MBD6: variants seen among roughly 807,000 people sequenced by gnomAD.
The protein encoded by MBD6 is methyl-CpG binding domain protein 6, also known as methyl-CpG-binding domain protein 6.
In MBD6, 22 loss-of-function variants were observed where a neutral mutation model predicts 66.8. That is an observed-to-expected ratio of 0.33 (90% CI 0.24 to 0.47). MBD6 has a LOEUF of 0.47. MBD6 is among the 20% of genes least tolerant of loss of function. The pLI is 1.00. For synonymous variants in MBD6, 540 were observed against 534.6 expected (o/e 1.01, Z -0.14); for missense variants, 1,322 against 1,286.9 (o/e 1.03, Z -0.42).
chr12:57,525,151 A>G (rs561694971), intron 5 of MBD6, 36 bp downstream of exon 5: 2 of 1,589,496 alleles, frequency 1.3e-6, no homozygotes, highest in Non-Finnish European at 1.7e-6. Context: ...GACCGAGGAA[A>G]ACCTAAGGGC....
At position 57,527,898 on chromosome 12, in the gene MBD6, C is replaced by G. The variant is rs1292661350; in HGVS notation, c.2287C>G (p.Gln763Glu). The G allele has an allele frequency of 1.2e-6, 2 of 1,613,768 alleles. No homozygotes were observed. The highest frequency in any genetic ancestry group is 2.7e-5 in the African/African-American group (2 of 74,892). ...SSPGALPSLL[Q>E]PPGPLLSGQL... Reference sequence around the variant, plus strand: ...CCCTGGAGCCCTCCCCAGCCTGTTGCAGCCTCCTGGCCCTCTTCTCTCTGG... The same window carrying G: ...CCCTGGAGCCCTCCCCAGCCTGTTGGAGCCTCCTGGCCCTCTTCTCTCTGG... The change falls in exon 9 of 13, where the codon CAG becomes GAG. Residue 763 changes from glutamine to glutamate, a missense_variant. Gln to Glu is a conservative substitution (Grantham distance 29, BLOSUM62 2). Coordinates refer to ENST00000355673, the MANE Select transcript of MBD6 (RefSeq NM_052897.4).
In MBD6 at chr12:57,527,741, G is replaced by T. The variant is rs1026901086; in HGVS notation, c.2236+81G>T. On this transcript the variant is annotated intron_variant, in intron 8 of 12. Coordinates refer to ENST00000355673, the MANE Select transcript of MBD6 (RefSeq NM_052897.4). Reference sequence around the variant, plus strand: ...CTTGGGAGTAGTGGCTGAATAAATTGGGGAAGAAAGTCTTTGGCCACTGGA... The same window carrying T: ...CTTGGGAGTAGTGGCTGAATAAATTTGGGAAGAAAGTCTTTGGCCACTGGA... 2.5e-5 allele frequency: 39 copies of T among 1,552,024 alleles called. No individual in the cohort carries two copies. The East Asian group carries it at 8.3e-4, about 33-fold the overall frequency.
At chr12:57,531,192 C>T (rs1371140400), downstream of MBD6, among the ~76,000 whole-genome samples, 2 of 152,266 alleles carry the variant, frequency 1.3e-5, no homozygotes, top group Admixed American at 1.3e-4. Context: ...GACTTTAATG[C>T]TCCTTCCAGC....
chr12:57,527,408 A>G (rs903324814), intron 7 of MBD6, 99 bp from the exon 8 acceptor site: 23 of 1,444,538 alleles, frequency 1.6e-5, no homozygotes, highest in African/African-American at 1.5e-4. Context: ...AGCATGGCCT[A>G]TCTCACTTGA....
chr12:57,529,311 C>G lies in MBD6; in HGVS notation c.*77C>G, dbSNP rs1879361775. 7 of 1,485,066 alleles carry G rather than the reference C, an allele frequency of 4.7e-6. No homozygotes were observed. The highest frequency in any genetic ancestry group is 2.3e-5 in the South Asian group (2 of 87,402). 92.0% of individuals were successfully genotyped at this position (1,485,066 alleles called of 1,614,324 possible). A position where few individuals can be genotyped will look rare whatever the true frequency, so the allele number is the denominator to read the frequency against. ...AGCCTTGGGAGCCCCTGCCAGCCAC[C>G]TGCACCTGTGGACAGTGGGTGGGGG... On this transcript the variant is annotated 3_prime_UTR_variant, in exon 13 of 13. Transcript: ENST00000355673.
Position 57,525,134 on chromosome 12 carries a change from T to C in MBD6, c.379+19T>C. 3 of 1,597,880 alleles carry C rather than the reference T, an allele frequency of 1.9e-6. No homozygotes were observed. Among genetic ancestry groups the C allele is most frequent in the Admixed American group, 1.8e-5 (1 of 54,560 alleles). On this transcript the variant is annotated intron_variant, in intron 5 of 12. Coordinates refer to ENST00000355673, the MANE Select transcript of MBD6 (RefSeq NM_052897.4). Reference sequence around the variant, plus strand: ...TCTCCTGGTGAGTCTTCTGCCACTTTACAGAAGACCGAGGAAAACCTAAGG... The same window carrying C: ...TCTCCTGGTGAGTCTTCTGCCACTTCACAGAAGACCGAGGAAAACCTAAGG...
intron 2 of MBD6, 63 bp downstream of exon 2, chr12:57,524,155 C>G (rs1878660692): frequency 2.0e-6 from 1 of 500,480 alleles, no homozygotes; most frequent in Non-Finnish European, 3.4e-6. Context: ...GTTCCCCTTG[C>G]TCCTCTGGGG....
intron 3 of MBD6, 42 bp from the exon 4 acceptor site, chr12:57,524,678 C>T: frequency 1.3e-6 from 2 of 1,580,302 alleles, no homozygotes; most frequent in Admixed American, 1.7e-5. Flanking sequence ...GCCTGATTCG[C>T]TGCCAGCTAA....
chr12:57,522,430 C>A (rs1352985480), upstream of MBD6, among the ~76,000 whole-genome samples: 6 of 152,304 alleles, frequency 3.9e-5, no homozygotes, highest in East Asian at 1.2e-3. Context: ...TCTTTCGGGG[C>A]CTGGCCCCTC....
In MBD6 at chr12:57,529,484, T is replaced by C; in HGVS notation, c.*250T>C. 2.3e-6 allele frequency: 1 copy of C among 427,734 alleles called. No homozygotes were observed. The highest frequency in any genetic ancestry group is 4.1e-6 in the Non-Finnish European group (1 of 245,346). The allele number at this position is 427,734 out of a possible 1,614,324, so 26.5% of individuals were successfully genotyped here. ...CTGAAAAGGCCTGGGGGGGATGGTA[T>C]ATGGCCCTTTCCCCACCAGGCGCTA... On this transcript the variant is annotated 3_prime_UTR_variant, in exon 13 of 13. Coordinates refer to ENST00000355673, the MANE Select transcript of MBD6 (RefSeq NM_052897.4).
chr12:57,524,208 C>T (rs1018256608), intron 2 of MBD6, 72 bp from the exon 3 acceptor site: 6 of 954,326 alleles, frequency 6.3e-6, no homozygotes, highest in Non-Finnish European at 9.1e-6. Context: ...CCTTTGCCTT[C>T]CTGGAGTCCT....
At chr12:57,521,113 T>C (rs1011851838), upstream of MBD6, 2 of 152,336 alleles carry the variant, frequency 1.3e-5, no homozygotes, top group East Asian at 1.9e-4. Flanking sequence ...TTTTGAACTT[T>C]TCTTTTTAAA....
In MBD6 at chr12:57,528,338, G is replaced by C. The variant is rs1879209449; in HGVS notation, c.2598G>C (p.Arg866Ser). 6.2e-7 allele frequency: 1 copy of C among 1,611,044 alleles called. No homozygotes were observed. The highest frequency in any genetic ancestry group is 1.7e-4 in the Middle Eastern group (1 of 5,882). ...KRGRRGGGGL[R>S]GINGEARPAR... ...GCCGGAGGGGAGGAGGGGGACTTAG[G>C]GGCATTAATGGTGAGGCCAGGCCAG... is the stretch of plus-strand genomic sequence containing the variant. The change falls in exon 10 of 13, where the codon AGG becomes AGC. Residue 866 changes from arginine to serine, a missense_variant. Transcript: ENST00000355673.
chr12:57,528,622 G>A (rs1253595483), intron 10 of MBD6, 44 bp from the exon 11 acceptor site: 3 of 1,613,758 alleles, frequency 1.9e-6, no homozygotes, highest in South Asian at 1.1e-5. Context: ...GGGCTTTGGA[G>A]CCTTTTTCGA....
Position 57,528,972 on chromosome 12 carries a change from G to A in MBD6, c.2900G>A (p.Arg967His), listed in dbSNP as rs112146992. Reference sequence around the variant, plus strand: ...CCTACCCGGAACAGCAATAGCTCCCGCCAGGACATTACCTTGGAACCCAGC... The same window carrying A: ...CCTACCCGGAACAGCAATAGCTCCCACCAGGACATTACCTTGGAACCCAGC... ...YNPTRNSNSS[R>H]QDITLEPSPT... Residue 967 changes from arginine to histidine, a missense_variant, in exon 12 of 13, where the codon CGC becomes CAC. Physicochemically the swap from Arg to His is conservative, Grantham distance 29. Transcript: ENST00000355673. 185 of 1,613,990 alleles carry A rather than the reference G, an allele frequency of 1.1e-4. No homozygotes were observed. The highest frequency in any genetic ancestry group is 1.1e-4 in the African/African-American group (8 of 74,914).
chr12:57,524,930 T>C, intron 4 of MBD6, 23 bp from the exon 5 acceptor site: 9 of 1,601,044 alleles, frequency 5.6e-6, no homozygotes, highest in Middle Eastern at 3.3e-4. Flanking sequence ...TCAGGGTCCC[T>C]GTCCTTGCTT....
chr12:57,524,620 G>A (rs776918594), intron 3 of MBD6, 100 bp from the exon 4 acceptor site: 1 of 1,196,148 alleles, frequency 8.4e-7, no homozygotes. Context: ...CTTATCCTCT[G>A]TTCTTCTAGG....
At chr12:57,527,477 G>T in intron 7 of MBD6, 30 bp from the exon 8 acceptor site, 8 of 1,612,082 alleles carry the variant, frequency 5.0e-6, no homozygotes, top group African/African-American at 1.3e-5. Flanking sequence ...TTTTACACGC[G>T]TAAGTGTTAG....
At position 57,529,299 on chromosome 12, in the gene MBD6, C is replaced by T. The variant is rs1242755050; in HGVS notation, c.*65C>T. ...AGCTGAGTGCTGAGCCTTGGGAGCC[C>T]CTGCCAGCCACCTGCACCTGTGGAC... On this transcript the variant is annotated 3_prime_UTR_variant, in exon 13 of 13. Transcript: ENST00000355673. 3.8e-6 allele frequency: 6 copies of T among 1,563,596 alleles called. No homozygotes were observed. The African/African-American group carries it at 8.1e-5, about 21-fold the overall frequency.
Sources: allele counts gnomAD v4.1 joint callset (sites outside exome capture counted in the v4.1 genomes callset), GRCh38; gene constraint gnomAD v4.1.1; transcripts MANE v1.5; gene names NCBI Gene and HGNC (gene_info 2026-07-23, HGNC 2026-07-21).